Variants in CYP2A6 observed in about 807,000 individuals in gnomAD.
CYP2A6 encodes cytochrome P450 2A6.
A neutral mutation model predicts 42.3 loss-of-function variants in CYP2A6; 27 were observed. The ratio of observed to expected loss-of-function variants is 0.64; its 90% confidence interval spans 0.47 to 0.88. The LOEUF is 0.88. Among genes scored for constraint, CYP2A6 ranks in the 40% least tolerant of loss-of-function variants. The probability of loss-of-function intolerance (pLI) is 0.00; values close to 1 mark genes in which losing one functional copy is unlikely to be tolerated. For missense variants in CYP2A6, 628 were observed against 646.0 expected (o/e 0.97, Z 0.30); for synonymous variants, 238 against 246.3 (o/e 0.97, Z 0.31).
At position 40,843,700 on chromosome 19, in the gene CYP2A6, G is replaced by T; in HGVS notation, c.*96C>A. 8.0e-7 allele frequency: 1 copy of T among 1,255,894 alleles called. No individual in the cohort carries two copies. The highest frequency in any genetic ancestry group is 3.3e-5 in the Admixed American group (1 of 30,414). The allele number at this position is 1,255,894 out of a possible 1,614,324, so 77.8% of individuals were successfully genotyped here. A position where few individuals can be genotyped will look rare whatever the true frequency, so the allele number is the denominator to read the frequency against. On this transcript the variant is annotated 3_prime_UTR_variant, in exon 9 of 9. Transcript: ENST00000301141. ...CACGCCCCTTCCTTTCCGCCATCCT[G>T]CCCCCAGTCTTAGCTGCGCCCCTCT...
At chr19:40,847,125 T>A in intron 4 of CYP2A6, 74 bp from the exon 5 acceptor site, 1 of 1,554,982 alleles carries the variant, frequency 6.4e-7, no homozygotes. Context: ...ATGGGATTTG[T>A]TTCATAGCAA....
At chr19:40,849,702 C>A (rs1350311445) in intron 2 of CYP2A6, 116 bp downstream of exon 2, 2 of 1,540,500 alleles carry the variant, frequency 1.3e-6, no homozygotes, top group Non-Finnish European at 1.7e-6. Context: ...GGAGGGAAGA[C>A]CAGACTGGGG....
At position 40,846,095 on chromosome 19, in the gene CYP2A6, C is replaced by T; in HGVS notation, c.834G>A (p.Glu278=). The change falls in exon 6 of 9, where the codon GAG becomes GAA. Residue 278 remains glutamate (E), a splice_region_variant and synonymous_variant. Coordinates refer to ENST00000301141, the MANE Select transcript of CYP2A6 (RefSeq NM_000762.6). Reference sequence around the variant, plus strand: ...AGAACTCCGTGTTGGGGTTCTTCTCCTCCTGCAGGGAGAGGGGGCTTTAGG... The same window carrying T: ...AGAACTCCGTGTTGGGGTTCTTCTCTTCCTGCAGGGAGAGGGGGCTTTAGG... ...IDSFLIRMQE[E]EKNPNTEFYL... 1 of 1,611,534 alleles carries T rather than the reference C, an allele frequency of 6.2e-7. No homozygotes were observed. Among genetic ancestry groups the T allele is most frequent in the South Asian group, 1.1e-5 (1 of 90,892 alleles).
rs145393137 is a variant in CYP2A6 at position 40,848,265 on chromosome 19, C to G, written c.608G>C (p.Arg203Pro). Residue 203 changes from arginine (R) to proline (P), a missense_variant, in exon 4 of 9, where the codon CGC becomes CCC. By Grantham distance (103) the Arg-to-Pro change is moderately radical. Around this residue, in one of 2 missense-constraint regions of CYP2A6, gnomAD observed 606 missense variants for 568.1 expected, o/e 1.07. Transcript: ENST00000301141. ...GAACTGGAAGATTCCTAGCATCATGCGCAACAGTGACAGGAACTCTTTGTC... is the reference window on the plus strand; with the variant it reads ...GAACTGGAAGATTCCTAGCATCATGGGCAACAGTGACAGGAACTCTTTGTC... ...YKDKEFLSLLRMMLGIFQFTS... is the reference protein window; with the variant it reads ...YKDKEFLSLLPMMLGIFQFTS... 2.6e-5 allele frequency: 42 copies of G among 1,611,680 alleles called. No individual in the cohort carries two copies. The highest frequency in any genetic ancestry group is 3.5e-5 in the Non-Finnish European group (41 of 1,179,954).
At chr19:40,844,592 G>T in intron 8 of CYP2A6, 39 bp downstream of exon 8, 1 of 1,610,834 alleles carries the variant, frequency 6.2e-7, no homozygotes, top group Non-Finnish European at 8.5e-7. Flanking sequence ...GCCCCTGCTG[G>T]TGTGAGCCGT....
intron 4 of CYP2A6, among the ~76,000 whole-genome samples, chr19:40,847,562 G>A (rs2145123289): frequency 6.6e-6 from 1 of 151,634 alleles, no homozygotes; most frequent in South Asian, 2.1e-4. Flanking sequence ...TACCTGTTGA[G>A]GTGTTTACCT....
chr19:40,850,133 T>G lies in CYP2A6; in HGVS notation c.180+114A>C, dbSNP rs992859684. On this transcript the variant is annotated intron_variant, in intron 1 of 8. Coordinates refer to ENST00000301141, the MANE Select transcript of CYP2A6 (RefSeq NM_000762.6). ...GATCCTGTCTTTCTGATGCTGAAAC[T>G]CCAAAACTCCATTTCCTAAGACTCT... The G allele has an allele frequency of 5.2e-6, 8 of 1,527,862 alleles. No individual in the cohort carries two copies. The African/African-American group carries it at 5.5e-5, about 11-fold the overall frequency. The allele number at this position is 1,527,862 out of a possible 1,614,324, so 94.6% of individuals were successfully genotyped here. A position where few individuals can be genotyped will look rare whatever the true frequency, so the allele number is the denominator to read the frequency against.
intron 2 of CYP2A6, among the ~76,000 whole-genome samples, chr19:40,849,045 G>GGAGAGAGAGAGAGAGAGAGA (rs1164660108): frequency 4.1e-5 from 1 of 24,240 alleles, no homozygotes; most frequent in East Asian, 1.5e-3. Flanking sequence ...AAGAGAGAGA[G>GGAGAGAGAGAGAGAGAGAGA]GAGAGAGAGA....
intron 2 of CYP2A6, among the ~76,000 whole-genome samples, chr19:40,849,005 A>AG (rs1291776509): frequency 7.2e-5 from 6 of 83,448 alleles, no homozygotes; most frequent in South Asian, 4.0e-4. Flanking sequence ...AGAGAGAGAG[A>AG]GAGAGAAGAG....
Position 40,848,214 on chromosome 19 carries a change from G to A in CYP2A6, c.654+5C>T. ...GGCGTCACGGGCCGGGCTGCAGCCAGTTACCTGCCCCGTGGAGGTTGACGT... is the reference window on the plus strand; with the variant it reads ...GGCGTCACGGGCCGGGCTGCAGCCAATTACCTGCCCCGTGGAGGTTGACGT... On this transcript the variant is annotated splice_donor_5th_base_variant and intron_variant, in intron 4 of 8. Transcript: ENST00000301141. 1 of 1,611,490 alleles carries A rather than the reference G, an allele frequency of 6.2e-7. No individual in the cohort carries two copies. Among genetic ancestry groups the A allele is most frequent in the African/African-American group, 1.3e-5 (1 of 74,738 alleles).
chr19:40,845,173 C>A (rs1568514003), intron 7 of CYP2A6, 121 bp downstream of exon 7: 5 of 1,323,734 alleles, frequency 3.8e-6, no homozygotes, highest in Non-Finnish European at 5.3e-6. Context: ...TTGGGGAAGT[C>A]TTTTTTGACT....
rs536276517 is a variant in CYP2A6 at position 40,844,807 on chromosome 19, G to A, written c.1162-35C>T. On this transcript the variant is annotated intron_variant, in intron 7 of 8. Transcript: ENST00000301141. ...AGGAGGAAGTTGTGTGTGATGAGGA[G>A]GGTCGGGGGATTGGTGAAAGTACAC... 253 of 1,589,846 alleles carry A rather than the reference G, an allele frequency of 1.6e-4. 3 individuals carry two copies. In the South Asian group the frequency reaches 1.6e-3, roughly 10 times the overall value.
In CYP2A6 at chr19:40,843,647, T is replaced by A; in HGVS notation, c.*149A>T. The A allele has an allele frequency of 8.9e-7, 1 of 1,127,482 alleles. No homozygotes were observed. Among genetic ancestry groups the A allele is most frequent in the Non-Finnish European group, 1.2e-6 (1 of 829,018 alleles). The allele number at this position is 1,127,482 out of a possible 1,614,324, so 69.8% of individuals were successfully genotyped here. On this transcript the variant is annotated 3_prime_UTR_variant, in exon 9 of 9. Transcript: ENST00000301141. ...ACCTTATCAAGGTGAACTGAGCCGC[T>A]TCTGTTTCTTCTCTTCCCTCTAGCC...
chr19:40,848,858 G>T, intron 2 of CYP2A6, 95 bp from the exon 3 acceptor site: 1 of 1,464,646 alleles, frequency 6.8e-7, no homozygotes, highest in South Asian at 1.2e-5. Context: ...GGAGGAGAGA[G>T]GGAGTAGGGT....
At chr19:40,846,712 A>G (rs575865729) in intron 5 of CYP2A6, among the ~76,000 whole-genome samples, 163 bp downstream of exon 5, 1 of 151,518 alleles carries the variant, frequency 6.6e-6, no homozygotes, top group Admixed American at 6.6e-5. Flanking sequence ...GGCCTCCCAA[A>G]GTGCTGGGAT....
rs1254958177 is a variant in CYP2A6, at chr19:40,848,913, CTCAG to C, written c.344-154_344-151del. The stretch of plus-strand genomic sequence containing the variant: ...CGCCATTGCCCAGCAGAGCTGCAAA[CTCAG>C]TCAGAGAAACACGATGTCGAGGTAG... On this transcript the variant is annotated intron_variant, in intron 2 of 8. Transcript: ENST00000301141. 3.7e-5 allele frequency: 26 copies of C among 693,522 alleles called. 1 individual carries two copies. Among genetic ancestry groups the C allele is most frequent in the East Asian group, 3.3e-4 (8 of 24,384 alleles). The allele number at this position is 693,522 out of a possible 1,614,324, so 43.0% of individuals were successfully genotyped here.
chr19:40,847,215 T>C (rs1967117021), intron 4 of CYP2A6, among the ~76,000 whole-genome samples, 164 bp from the exon 5 acceptor site: 1 of 151,562 alleles, frequency 6.6e-6, no homozygotes, highest in Non-Finnish European at 1.5e-5. Flanking sequence ...ATCTAAGTTT[T>C]CAGGAAGGTT....
At position 40,850,232 on chromosome 19, in the gene CYP2A6, C is replaced by T. The variant is rs1249721882; in HGVS notation, c.180+15G>A. On this transcript the variant is annotated intron_variant, in intron 1 of 8. Transcript: ENST00000301141. ...GCCCCCACCCCGTGCCACCCATCTC[C>T]CTGCCTTGGGACACCTTCATGAGGG... The T allele has an allele frequency of 1.9e-6, 3 of 1,602,446 alleles. No homozygotes were observed. The South Asian group carries it at 3.4e-5, about 18-fold the overall frequency.
chr19:40,847,822 C>T (rs554129636), intron 4 of CYP2A6, among the ~76,000 whole-genome samples: 81 of 151,790 alleles, frequency 5.3e-4, no homozygotes, highest in African/African-American at 1.9e-3. Flanking sequence ...GATTTTGCAG[C>T]ACCAGGTGTT....
Sources: gnomAD v4.1 joint callset for allele counts (sites outside exome capture counted in the v4.1 genomes callset) on GRCh38, gnomAD v4.1.1 for gene constraint, gnomAD v4.1.1 regional missense constraint, MANE v1.5 for transcripts, NCBI Gene and HGNC (gene_info 2026-07-23, HGNC 2026-07-21) for gene names.